Variants in TPO observed in about 807,000 individuals in gnomAD.
TPO encodes thyroid peroxidase, also known as thyroid microsomal antigen.
In TPO, 78 loss-of-function variants were observed where a neutral mutation model predicts 96.9. That is an observed-to-expected ratio of 0.81 (90% CI 0.67 to 0.97). The LOEUF (loss-of-function observed/expected upper bound fraction) is 0.97. TPO is among the 50% of genes least tolerant of loss of function. The pLI is 0.00. For missense variants in TPO, 1,252 were observed against 1,274.8 expected (o/e 0.98, Z 0.27); for synonymous variants, 547 against 538.0 (o/e 1.02, Z -0.23).
chr2:1,523,902 CA>C (rs1675795054), intron 15 of TPO, among the ~76,000 whole-genome samples: 1 of 112,410 alleles, frequency 8.9e-6, no homozygotes, highest in African/African-American at 3.6e-5. Context: ...TAAATCCCCC[CA>C]ACTGTAATCA....
At chr2:1,501,459 C>T (rs529038235) in intron 13 of TPO, among the ~76,000 whole-genome samples, 15 of 152,334 alleles carry the variant, frequency 9.8e-5, no homozygotes, top group South Asian at 2.1e-4. Context: ...ACCTACACAG[C>T]GCTGGCCCCT....
intron 13 of TPO, among the ~76,000 whole-genome samples, chr2:1,497,196 T>G (rs1672444323): frequency 1.3e-5 from 2 of 152,176 alleles, no homozygotes; most frequent in African/African-American, 4.8e-5. Context: ...CTCCAGCCAC[T>G]GGGTTCCACT....
At chr2:1,541,287 C>T (rs910989641) in intron 16 of TPO, 9 of 805,042 alleles carry the variant, frequency 1.1e-5, no homozygotes, top group Non-Finnish European at 1.1e-5. Flanking sequence ...AGGAGGGCGC[C>T]TCAGGTCTGC....
chr2:1,394,542 CA>C (rs1662050253), intron 1 of TPO, among the ~76,000 whole-genome samples: 1 of 152,202 alleles, frequency 6.6e-6, no homozygotes, highest in African/African-American at 2.4e-5. Context: ...GCTCCTTTAA[CA>C]CTTGAAGCAT....
At chr2:1,391,895 T>C (rs549460011) in intron 1 of TPO, among the ~76,000 whole-genome samples, 43 of 152,350 alleles carry the variant, frequency 2.8e-4, no homozygotes, top group African/African-American at 9.9e-4. Context: ...AAGTTGCTTA[T>C]CAGCTTAAGG....
At chr2:1,486,977 T>G (rs996508817) in intron 9 of TPO, among the ~76,000 whole-genome samples, 6 of 152,246 alleles carry the variant, frequency 3.9e-5, no homozygotes, top group Non-Finnish European at 7.3e-5. Flanking sequence ...TTTCTAAGTC[T>G]TCCTTTTGGG....
chr2:1,432,736 G>A lies in TPO; in HGVS notation c.180-702G>A, dbSNP rs532114457. Among the ~76,000 whole-genome samples the A allele has an allele frequency of 8.3e-4, 94 of 112,630 alleles. 2 individuals carry two copies. The highest frequency in any genetic ancestry group is 3.1e-3 in the African/African-American group (83 of 26,714). 73.9% of individuals were successfully genotyped at this position (112,630 alleles called of 152,430 possible). A position where few individuals can be genotyped will look rare whatever the true frequency, so the allele number is the denominator to read the frequency against. On this transcript the variant is annotated intron_variant, in intron 3 of 16. Transcript: ENST00000329066. ...GCCCCAGGTAAGGAGAGGCCTGCAGGTGAGGGGAGGCCTGCAGGTGAGGAG... is the reference window on the plus strand; with the variant it reads ...GCCCCAGGTAAGGAGAGGCCTGCAGATGAGGGGAGGCCTGCAGGTGAGGAG...
chr2:1,436,040 C>T (rs754060244), intron 4 of TPO, among the ~76,000 whole-genome samples: 2 of 152,126 alleles, frequency 1.3e-5, no homozygotes, highest in Admixed American at 6.5e-5. Context: ...TTTTAAAACC[C>T]CCACATTTCT....
chr2:1,542,146 T>TTCTTCC (rs1200591554), intron 16 of TPO: 1 of 570,202 alleles, frequency 1.8e-6, no homozygotes, highest in Non-Finnish European at 3.1e-6. Flanking sequence ...TCAGCACGGC[T>TTCTTCC]TCTTCCTGAA....
chr2:1,466,363 T>A (rs1042775708), intron 7 of TPO, among the ~76,000 whole-genome samples: 1 of 152,208 alleles, frequency 6.6e-6, no homozygotes, highest in Non-Finnish European at 1.5e-5. Flanking sequence ...TTTTTGGTTA[T>A]GTCCTCTTCT....
At chr2:1,421,799 C>T (rs1007302623) in intron 2 of TPO, among the ~76,000 whole-genome samples, 1 of 152,190 alleles carries the variant, frequency 6.6e-6, no homozygotes, top group African/African-American at 2.4e-5. Context: ...GATCCTGCGA[C>T]GCCCAGGCCG....
intron 1 of TPO, among the ~76,000 whole-genome samples, chr2:1,376,941 T>C (rs1661732073): frequency 6.6e-6 from 1 of 152,088 alleles, no homozygotes; most frequent in Non-Finnish European, 1.5e-5. Context: ...GAAGACAGCT[T>C]TTGGTCAGGG....
intron 5 of TPO, among the ~76,000 whole-genome samples, chr2:1,449,327 T>TA (rs1301592233): frequency 2.0e-5 from 3 of 152,244 alleles, no homozygotes; most frequent in Non-Finnish European, 4.4e-5. Context: ...GTCTGACAGC[T>TA]ATTTTCTTTT....
chr2:1,493,022 CAG>C (rs1276314990), intron 10 of TPO, among the ~76,000 whole-genome samples: 1 of 152,080 alleles, frequency 6.6e-6, no homozygotes, highest in Non-Finnish European at 1.5e-5. Context: ...GGCGCAGCCA[CAG>C]AGTCAGACCA....
At chr2:1,536,922 CAAATCCCCCCCAATGTGAGCAACCTCT>C (rs1483546777) in intron 15 of TPO, among the ~76,000 whole-genome samples, 189 of 133,968 alleles carry the variant, frequency 1.4e-3, no homozygotes, top group South Asian at 2.6e-3. Flanking sequence ...TGCAACCTCC[CAAATCCCCCCCAATGTGAGCAACCTCT>C]CAAATCCCCC....
rs1488385359 is a variant in TPO at position 1,540,230 on chromosome 2, A to G, written c.2619-364A>G. The stretch of plus-strand genomic sequence containing the variant: ...CCTGTACAGGGATGGCGCCCGACCC[A>G]GGAAAAGCCTAACGTTGTCTGTCAT... On this transcript the variant is annotated intron_variant, in intron 15 of 16. Transcript: ENST00000329066. Among the ~76,000 whole-genome samples, 5 of 152,128 alleles carry G rather than the reference A, an allele frequency of 3.3e-5. No homozygotes were observed. In the East Asian group the frequency reaches 9.7e-4, roughly 29 times the overall value.
At chr2:1,423,228 A>C (rs1237993597) in intron 3 of TPO, 99 bp downstream of exon 3, 2 of 1,092,580 alleles carry the variant, frequency 1.8e-6, no homozygotes, top group Admixed American at 1.9e-5. Flanking sequence ...ATTGCAGATG[A>C]AAACCTGAAG....
chr2:1,484,960 G>C, intron 9 of TPO, 106 bp downstream of exon 9: 5 of 1,519,436 alleles, frequency 3.3e-6, no homozygotes, highest in Non-Finnish European at 4.5e-6. Context: ...ACAACGTGCA[G>C]GTTTGTTACG....
intron 7 of TPO, among the ~76,000 whole-genome samples, chr2:1,465,868 C>A (rs900496104): frequency 2.0e-5 from 3 of 152,176 alleles, no homozygotes; most frequent in African/African-American, 7.2e-5. Context: ...TTCCTCTTCG[C>A]CGATTTGGAT....
Sources: gnomAD v4.1 joint callset for allele counts (sites outside exome capture counted in the v4.1 genomes callset) on GRCh38, gnomAD v4.1.1 for gene constraint, MANE v1.5 for transcripts, NCBI Gene and HGNC (gene_info 2026-07-23, HGNC 2026-07-21) for gene names.